The following SKAP1 variants were observed in gnomAD, a reference collection of about 807,000 sequenced individuals.
The protein encoded by SKAP1 is src kinase-associated phosphoprotein 1.
Under a neutral mutation model 58.5 loss-of-function variants are expected in SKAP1, and 44 were observed. The ratio of observed to expected loss-of-function variants is 0.75; its 90% confidence interval spans 0.59 to 0.97. The LOEUF (loss-of-function observed/expected upper bound fraction) is 0.97. Among genes scored for constraint, SKAP1 ranks in the 50% least tolerant of loss-of-function variants. SKAP1 has a pLI of 0.00. For missense variants in SKAP1, 390 were observed against 435.2 expected (o/e 0.90, Z 0.92); for synonymous variants, 127 against 149.7 (o/e 0.85, Z 1.11).
chr17:48,261,653 G>A (rs989693204), intron 4 of SKAP1, among the ~76,000 whole-genome samples: 1 of 152,090 alleles, frequency 6.6e-6, no homozygotes, highest in Non-Finnish European at 1.5e-5. Context: ...CAAAGCAAGG[G>A]CCATACTGAA....
At chr17:48,440,441 G>A in the SKAP1 span, among the ~76,000 whole-genome samples, 1 of 152,200 alleles carries the variant, frequency 6.6e-6, no homozygotes, top group African/African-American at 2.4e-5. Flanking sequence ...CTTGCGCAGT[G>A]TCCTTGGGAG....
chr17:48,324,526 G>C (rs1204990315), intron 4 of SKAP1, among the ~76,000 whole-genome samples: 1 of 151,918 alleles, frequency 6.6e-6, no homozygotes, highest in African/African-American at 2.4e-5. Flanking sequence ...CAAAAAGTGG[G>C]AGCTCACTGT....
intron 6 of SKAP1, among the ~76,000 whole-genome samples, chr17:48,187,582 T>C (rs975776628): frequency 1.2e-4 from 18 of 152,218 alleles, no homozygotes; most frequent in Non-Finnish European, 2.5e-4. Context: ...ACTTTGATAA[T>C]GTGTTGTTAA....
intron 11 of SKAP1, among the ~76,000 whole-genome samples, chr17:48,152,174 T>C (rs1018978344): frequency 6.6e-6 from 1 of 152,226 alleles, no homozygotes; most frequent in African/African-American, 2.4e-5. Context: ...CATCTGGGAA[T>C]GTCTGCAAAT....
chr17:48,310,821 G>C (rs2144175817), intron 4 of SKAP1, among the ~76,000 whole-genome samples: 1 of 151,650 alleles, frequency 6.6e-6, no homozygotes, highest in African/African-American at 2.4e-5. Flanking sequence ...CTGGAAACAA[G>C]AGAGTTGATT....
chr17:48,338,124 C>G (rs2066600057), intron 4 of SKAP1, among the ~76,000 whole-genome samples: 2 of 135,086 alleles, frequency 1.5e-5, no homozygotes, highest in Admixed American at 1.5e-4. Flanking sequence ...TCTTTTCTTC[C>G]TTCCTTCTTT....
At chr17:48,394,496 C>G (rs978714020) in intron 2 of SKAP1, among the ~76,000 whole-genome samples, 2 of 151,796 alleles carry the variant, frequency 1.3e-5, no homozygotes, top group African/African-American at 4.8e-5. Flanking sequence ...CATATACCAC[C>G]ACACCTGGCT....
At chr17:48,251,445 C>T (rs1414183418) in intron 4 of SKAP1, among the ~76,000 whole-genome samples, 2 of 152,114 alleles carry the variant, frequency 1.3e-5, no homozygotes, top group African/African-American at 4.8e-5. Context: ...CATTTTTATG[C>T]AAAGCCTTGT....
At chr17:48,320,779 A>C (rs2066352459) in intron 4 of SKAP1, among the ~76,000 whole-genome samples, 2 of 152,080 alleles carry the variant, frequency 1.3e-5, no homozygotes. Flanking sequence ...TTAAAGAAAA[A>C]GCATTTCTTA....
intron 4 of SKAP1, among the ~76,000 whole-genome samples, chr17:48,226,145 C>T (rs2065066055): frequency 6.6e-6 from 1 of 152,146 alleles, no homozygotes. Context: ...ACAGGATGTT[C>T]CCCTACTGTC....
intron 4 of SKAP1, among the ~76,000 whole-genome samples, chr17:48,345,606 A>G (rs1026212507): frequency 1.3e-4 from 20 of 152,238 alleles, no homozygotes; most frequent in Non-Finnish European, 4.4e-5. Context: ...AGGCCCTGAA[A>G]TCTTAAAATG....
chr17:48,196,334 T>C (rs2064629039), intron 4 of SKAP1, among the ~76,000 whole-genome samples: 1 of 152,204 alleles, frequency 6.6e-6, no homozygotes, highest in African/African-American at 2.4e-5. Flanking sequence ...TGTCAAAAAA[T>C]TATTTTAGTA....
the SKAP1 span, among the ~76,000 whole-genome samples, chr17:48,436,106 T>C: frequency 6.6e-6 from 1 of 152,022 alleles, no homozygotes; most frequent in Non-Finnish European, 1.5e-5. Flanking sequence ...AGTTTCACTC[T>C]TGTTGCCCAG....
Position 48,385,964 on chromosome 17 carries a change from C to T in SKAP1, c.152+10716G>A, listed in dbSNP as rs149189988. The stretch of plus-strand genomic sequence containing the variant: ...ATAGGTCTCAAAGATGGCTGGAATG[C>T]CTGGCATCCATGCTGTGATAGAACT... On this transcript the variant is annotated intron_variant, in intron 2 of 12. Transcript: ENST00000336915. Among the ~76,000 whole-genome samples the T allele has an allele frequency of 4.9e-4, 75 of 152,226 alleles. 1 individual carries two copies. The highest frequency in any genetic ancestry group is 1.3e-3 in the Admixed American group (20 of 15,292).
At chr17:48,169,051 G>A (rs903706475) in intron 10 of SKAP1, among the ~76,000 whole-genome samples, 1 of 151,912 alleles carries the variant, frequency 6.6e-6, no homozygotes, top group Non-Finnish European at 1.5e-5. Context: ...AACATATTCA[G>A]AGCTTGCTAT....
At chr17:48,145,067 C>T (rs2063812070) in intron 11 of SKAP1, among the ~76,000 whole-genome samples, 1 of 152,080 alleles carries the variant, frequency 6.6e-6, no homozygotes, top group Admixed American at 6.6e-5. Context: ...AACCCACAAA[C>T]CTTTCCATCA....
At chr17:48,319,887 CT>C (rs1433083633) in intron 4 of SKAP1, among the ~76,000 whole-genome samples, 26 of 152,120 alleles carry the variant, frequency 1.7e-4, no homozygotes, top group Non-Finnish European at 1.5e-5. Context: ...GAATTCCTCT[CT>C]TTTAATAAAA....
In SKAP1 at chr17:48,158,389, AC is replaced by A. The variant is rs566155485; in HGVS notation, c.978+4079del. On this transcript the variant is annotated intron_variant, in intron 11 of 12. Transcript: ENST00000336915. ...GTGAAACCCCGTCTCTATTAAAAAT[AC>A]AAAAAGAAAAAAAAAAAAAGAAAAG... Among the ~76,000 whole-genome samples, 595 of 78,296 alleles carry A rather than the reference AC, an allele frequency of 7.6e-3. 4 individuals carry two copies. Among genetic ancestry groups the A allele is most frequent in the Non-Finnish European group, 9.4e-3 (355 of 37,664 alleles). The allele number at this position is 78,296 out of a possible 152,430, so 51.4% of individuals were successfully genotyped here. A position where few individuals can be genotyped will look rare whatever the true frequency, so the allele number is the denominator to read the frequency against.
At chr17:48,378,462 C>T (rs2067177372) in intron 2 of SKAP1, among the ~76,000 whole-genome samples, 1 of 152,176 alleles carries the variant, frequency 6.6e-6, no homozygotes, top group Admixed American at 6.5e-5. Context: ...AGCTGTTAGT[C>T]ATTAGCACCT....
Sources: gnomAD v4.1 joint callset for allele counts (sites outside exome capture counted in the v4.1 genomes callset) on GRCh38, gnomAD v4.1.1 for gene constraint, MANE v1.5 for transcripts, NCBI Gene and HGNC (gene_info 2026-07-23, HGNC 2026-07-21) for gene names.